The following ZBED6 variants were observed in gnomAD, a reference collection of about 807,000 sequenced individuals.
The protein encoded by ZBED6 is zinc finger BED-type containing 6, also known as zinc finger BED domain-containing protein 6.
ZBED6 carries 40 observed loss-of-function variants against 58.4 expected under a neutral mutation model. The ratio of observed to expected loss-of-function variants is 0.68; its 90% CI spans 0.53 to 0.89. The LOEUF is 0.89. ZBED6 is among the 40% of genes least tolerant of loss of function. The pLI is 0.00. For synonymous variants in ZBED6, 439 were observed against 350.6 expected, an observed-to-expected ratio of 1.25 and a Z score of -2.82; for missense variants, 1,057 against 1,003.9, an observed-to-expected ratio of 1.05 and a Z score of -0.71.
intron 9 of ZBED6, among the ~76,000 whole-genome samples, chr1:203,835,343 A>G (rs1161229053): frequency 6.6e-6 from 1 of 152,176 alleles, no homozygotes; most frequent in African/African-American, 2.4e-5. Flanking sequence ...ACTGAGCTCA[A>G]ACTCAGGAAG....
Position 203,798,808 on chromosome 1 carries a change from C to T in ZBED6, c.1286C>T (p.Ser429Leu), listed in dbSNP as rs1327871272. 7 of 1,536,164 alleles carry T rather than the reference C, an allele frequency of 4.6e-6. No homozygotes were observed. Among genetic ancestry groups the T allele is most frequent in the East Asian group, 4.9e-5 (2 of 40,922 alleles). ...GATATGCATCCTTACAACTATTTCT[C>T]AACCCCAGCCTTTCAGAGGTTCATG... Residue 429 changes from serine to leucine, a missense_variant, in exon 1 of 17, where the codon TCA (serine) becomes TTA (leucine). Physicochemically the swap from Ser to Leu is moderately radical, Grantham distance 145. Coordinates refer to ENST00000550078, the Ensembl canonical transcript of ZBED6.
Position 203,814,597 on chromosome 1 carries a change from A to G in ZBED6, c.*2555-2329A>G, listed in dbSNP as rs369975992. Reference sequence around the variant, plus strand: ...CCTAATTTCTGACTGAAACCTCACCATAAGTACCTTAAGTACCTTTAACGT... The same window carrying G: ...CCTAATTTCTGACTGAAACCTCACCGTAAGTACCTTAAGTACCTTTAACGT... On this transcript the variant is annotated intron_variant, in intron 1 of 16. Coordinates refer to ENST00000550078, the Ensembl canonical transcript of ZBED6. Among the ~76,000 whole-genome samples, 15 of 152,282 alleles carry G rather than the reference A, an allele frequency of 9.9e-5. No homozygotes were observed. The East Asian group carries it at 2.3e-3, about 24-fold the overall frequency.
rs896246671 is a variant in ZBED6, at chr1:203,797,501, G to T, written c.-22G>T. 9 of 1,468,782 alleles carry T rather than the reference G, an allele frequency of 6.1e-6. No individual in the cohort carries two copies. Among genetic ancestry groups the T allele is most frequent in the South Asian group, 1.4e-5 (1 of 70,640 alleles). The allele number at this position is 1,468,782 out of a possible 1,614,324, so 91.0% of individuals were successfully genotyped here. A position where few individuals can be genotyped will look rare whatever the true frequency, so the allele number is the denominator to read the frequency against. On this transcript the variant is annotated 5_prime_UTR_variant, in exon 1 of 17. The change creates a premature stop within an existing upstream ORF in the 5' untranslated region. Coordinates refer to ENST00000550078, the Ensembl canonical transcript of ZBED6. ...TAAACCCACTAACAGATTCTGGTACGAATTGTGGAGACATAAAGAGAATGA... is the reference window on the plus strand; with the variant it reads ...TAAACCCACTAACAGATTCTGGTACTAATTGTGGAGACATAAAGAGAATGA...
chr1:203,822,822 C>G (rs1016166113), intron 3 of ZBED6, among the ~76,000 whole-genome samples: 1 of 152,108 alleles, frequency 6.6e-6, no homozygotes. Flanking sequence ...ACTCCAATAC[C>G]CTGCTCTGGG....
At chr1:203,842,187 C>T (rs1340198419) in intron 11 of ZBED6, among the ~76,000 whole-genome samples, 3 of 151,886 alleles carry the variant, frequency 2.0e-5, no homozygotes, top group Admixed American at 6.6e-5. Flanking sequence ...TCCTCACTTC[C>T]CAGACGGGGT....
At chr1:203,822,742 C>T (rs1679198760) in intron 3 of ZBED6, among the ~76,000 whole-genome samples, 3 of 152,200 alleles carry the variant, frequency 2.0e-5, no homozygotes, top group African/African-American at 7.2e-5. Flanking sequence ...AACCCTCCAA[C>T]CCTCCGTGGG....
chr1:203,798,878 T>C (rs1271323665), exon 1 of ZBED6: 1 of 1,536,140 alleles, frequency 6.5e-7, no homozygotes, highest in South Asian at 1.2e-5. Flanking sequence ...AGACTTACTT[T>C]TTCACTAAGG....
intron 3 of ZBED6, among the ~76,000 whole-genome samples, chr1:203,826,748 C>T (rs934532750): frequency 3.9e-5 from 6 of 152,054 alleles, no homozygotes; most frequent in Non-Finnish European, 8.8e-5. Context: ...ATTAGAGATT[C>T]GACATAATGC....
intron 3 of ZBED6, among the ~76,000 whole-genome samples, chr1:203,819,813 C>T (rs1677887332): frequency 6.6e-6 from 1 of 151,194 alleles, no homozygotes; most frequent in Admixed American, 6.6e-5. Flanking sequence ...GGATTACAGG[C>T]ATGAGCCACC....
chr1:203,829,919 C>T (rs1681707106), intron 6 of ZBED6, 23 bp downstream of exon 6: 3 of 1,589,928 alleles, frequency 1.9e-6, no homozygotes, highest in African/African-American at 2.7e-5. Flanking sequence ...TAGATTGGTG[C>T]CTCTTATAGC....
intron 1 of ZBED6, among the ~76,000 whole-genome samples, chr1:203,811,263 G>A (rs1340194632): frequency 6.6e-6 from 1 of 152,048 alleles, no homozygotes; most frequent in Non-Finnish European, 1.5e-5. Flanking sequence ...AGCTGAGGTC[G>A]TGCCATTGCA....
intron 14 of ZBED6, 135 bp from the exon 15 acceptor site, chr1:203,850,380 G>T: frequency 7.3e-7 from 1 of 1,369,712 alleles, no homozygotes; most frequent in Non-Finnish European, 1.0e-6. Context: ...CCTTTGAATC[G>T]TTTTCAGTCT....
At chr1:203,822,253 T>C (rs943117956) in intron 3 of ZBED6, among the ~76,000 whole-genome samples, 1 of 152,106 alleles carries the variant, frequency 6.6e-6, no homozygotes, top group African/African-American at 2.4e-5. Context: ...TAAAAACCAA[T>C]ATTGTGTCAC....
At chr1:203,849,919 G>C in exon 14 of ZBED6, 1 of 1,614,046 alleles carries the variant, frequency 6.2e-7, no homozygotes, top group Admixed American at 1.7e-5. Flanking sequence ...CTGACCAAGC[G>C]GCTTCCCACA....
intron 10 of ZBED6, 93 bp from the exon 11 acceptor site, chr1:203,840,213 A>G (rs1572277359): frequency 1.6e-6 from 2 of 1,251,548 alleles, no homozygotes; most frequent in East Asian, 4.8e-5. Context: ...TTCTGGGATT[A>G]CAGGTGTATG....
At position 203,797,010 on chromosome 1, in the gene ZBED6, T is replaced by C. The variant is rs1668751445; in HGVS notation, c.-513T>C. The C allele has an allele frequency of 6.5e-6, 1 of 153,390 alleles. No homozygotes were observed. The highest frequency in any genetic ancestry group is 6.5e-5 in the Admixed American group (1 of 15,342). The allele number at this position is 153,390 out of a possible 1,614,324, so 9.5% of individuals were successfully genotyped here. A position where few individuals can be genotyped will look rare whatever the true frequency, so the allele number is the denominator to read the frequency against. ...GTCCTAAATGATGAATGTTGAATGA[T>C]GCACTATGTTTTTGTTTAAATGAGA... On this transcript the variant is annotated 5_prime_UTR_variant, in exon 1 of 17. It removes an upstream start codon present in the reference 5' UTR. Transcript: ENST00000550078.
intron 1 of ZBED6, chr1:203,805,693 CCTT>C (rs1672082373): frequency 6.0e-6 from 4 of 668,764 alleles, no homozygotes; most frequent in East Asian, 3.8e-5. Context: ...AGTGGGAACA[CCTT>C]CTGGAATTGC....
intron 11 of ZBED6, among the ~76,000 whole-genome samples, chr1:203,841,693 C>T (rs1686267623): frequency 6.6e-6 from 1 of 152,184 alleles, no homozygotes; most frequent in African/African-American, 2.4e-5. Context: ...GGGGTGGTGG[C>T]TGGGCAGAGG....
At chr1:203,834,049 G>A in intron 9 of ZBED6, 196 bp downstream of exon 9, 12 of 1,249,936 alleles carry the variant, frequency 9.6e-6, no homozygotes, top group Non-Finnish European at 1.2e-5. Context: ...TGTTACAATT[G>A]AACTAGATTA....
Sources: gnomAD v4.1 joint callset for allele counts (sites outside exome capture counted in the v4.1 genomes callset) on GRCh38, gnomAD v4.1.1 for gene constraint, MANE v1.5 for transcripts, NCBI Gene and HGNC (gene_info 2026-07-23, HGNC 2026-07-21) for gene names.